RHEB: variants seen among roughly 807,000 people sequenced by gnomAD.
RHEB encodes the protein Ras homolog, mTORC1 binding, also known as GTP-binding protein Rheb.
RHEB carries 2 observed loss-of-function variants against 28.8 expected under a neutral mutation model. The ratio of observed to expected loss-of-function variants is 0.07; its 90% CI spans 0.03 to 0.22. The LOEUF is 0.22. RHEB is among the 10% of genes least tolerant of loss of function. RHEB has a pLI of 1.00. For synonymous variants in RHEB, 69 were observed against 77.3 expected (o/e 0.89, Z 0.56); for missense variants, 76 against 219.9 (o/e 0.35, Z 4.14).
chr7:151,515,476 T>C (rs1289503440), intron 1 of RHEB, among the ~76,000 whole-genome samples: 1 of 152,202 alleles, frequency 6.6e-6, no homozygotes, highest in African/African-American at 2.4e-5. Flanking sequence ...GAATTCTGAT[T>C]ATGCTCTTGT....
intron 1 of RHEB, among the ~76,000 whole-genome samples, chr7:151,499,942 G>A (rs1802743326): frequency 6.6e-6 from 1 of 152,154 alleles, no homozygotes; most frequent in Non-Finnish European, 1.5e-5. Flanking sequence ...CCAAGTAGCT[G>A]GGACTACAGG....
intron 4 of RHEB, among the ~76,000 whole-genome samples, chr7:151,473,920 G>A (rs1007425093): frequency 7.2e-5 from 11 of 152,204 alleles, no homozygotes; most frequent in African/African-American, 1.9e-4. Context: ...AAAAAGACTG[G>A]TGGGGAAAAT....
At chr7:151,507,444 C>T (rs528115113) in intron 1 of RHEB, among the ~76,000 whole-genome samples, 2 of 152,180 alleles carry the variant, frequency 1.3e-5, no homozygotes, top group Non-Finnish European at 2.9e-5. Context: ...AAGATGTTTA[C>T]GATTCTAATT....
intron 1 of RHEB, among the ~76,000 whole-genome samples, chr7:151,512,079 G>T (rs1803002011): frequency 6.6e-6 from 1 of 152,184 alleles, no homozygotes; most frequent in East Asian, 1.9e-4. Flanking sequence ...ATTTCATTTG[G>T]TACTTCAGAA....
chr7:151,476,762 A>G (rs1802279380), intron 4 of RHEB, among the ~76,000 whole-genome samples: 1 of 152,254 alleles, frequency 6.6e-6, no homozygotes, highest in African/African-American at 2.4e-5. Flanking sequence ...TGCTGTATAC[A>G]GCCAGCTGTT....
intron 1 of RHEB, among the ~76,000 whole-genome samples, chr7:151,508,293 G>T (rs1271813081): frequency 6.6e-6 from 1 of 152,168 alleles, no homozygotes; most frequent in Non-Finnish European, 1.5e-5. Context: ...AGCCTGAATG[G>T]TTAAAACCAT....
At chr7:151,482,959 C>T (rs1802403974) in intron 3 of RHEB, among the ~76,000 whole-genome samples, 1 of 152,188 alleles carries the variant, frequency 6.6e-6, no homozygotes, top group Non-Finnish European at 1.5e-5. Context: ...TAAGCCCCAA[C>T]TCCTATTCTT....
chr7:151,516,544 A>C (rs1192232508), intron 1 of RHEB, among the ~76,000 whole-genome samples: 1 of 146,504 alleles, frequency 6.8e-6, no homozygotes, highest in South Asian at 2.2e-4. Flanking sequence ...AATCGGTTGA[A>C]CCTGGGCAGC....
chr7:151,503,009 A>G (rs1802799651), intron 1 of RHEB: 1 of 782,832 alleles, frequency 1.3e-6, no homozygotes, highest in Admixed American at 1.7e-5. Flanking sequence ...TCAAGAAAAG[A>G]AATCAATAGA....
intron 1 of RHEB, among the ~76,000 whole-genome samples, chr7:151,494,311 C>G (rs1461774801): frequency 6.6e-6 from 1 of 152,214 alleles, no homozygotes; most frequent in Non-Finnish European, 1.5e-5. Flanking sequence ...CTGGCCAAGT[C>G]TCGACAACCT....
At chr7:151,503,401 G>C in intron 1 of RHEB, 1 of 1,155,664 alleles carries the variant, frequency 8.7e-7, no homozygotes, top group Admixed American at 1.7e-5. Context: ...GCAGTACCGA[G>C]TAGATTTCCA....
rs1802160160 is a variant in RHEB at position 151,471,453 on chromosome 7, A to G, written c.333-12T>C. The G allele has an allele frequency of 1.3e-6, 2 of 1,559,676 alleles. No individual in the cohort carries two copies. Among genetic ancestry groups the G allele is most frequent in the South Asian group, 2.3e-5 (2 of 87,046 alleles). ...ACATAATAGGTATTCTATTTGTAAG[A>G]AAAAAAAGACAAACCAGTAAGTGCC... On this transcript the variant is annotated splice_polypyrimidine_tract_variant and intron_variant, in intron 5 of 7. Transcript: ENST00000262187.
chr7:151,510,908 T>C (rs1802968083), intron 1 of RHEB, among the ~76,000 whole-genome samples: 1 of 151,842 alleles, frequency 6.6e-6, no homozygotes, highest in African/African-American at 2.4e-5. Context: ...TAAGACCTCA[T>C]GTCTACAAAA....
At chr7:151,511,183 T>C (rs1393440201) in intron 1 of RHEB, among the ~76,000 whole-genome samples, 1 of 152,206 alleles carries the variant, frequency 6.6e-6, no homozygotes, top group Non-Finnish European at 1.5e-5. Context: ...TAAAACTGTA[T>C]TAACTGTAAA....
chr7:151,491,149 G>C, intron 1 of RHEB, 135 bp from the exon 2 acceptor site: 1 of 613,324 alleles, frequency 1.6e-6, no homozygotes. Flanking sequence ...CATTTAATTA[G>C]CATGTGAGCA....
At chr7:151,476,624 A>C (rs1258966463) in intron 4 of RHEB, among the ~76,000 whole-genome samples, 17 of 152,246 alleles carry the variant, frequency 1.1e-4, no homozygotes, top group Non-Finnish European at 2.4e-4. Flanking sequence ...AGGCAAAGAG[A>C]GTAGCAAACT....
intron 1 of RHEB, chr7:151,503,292 C>G: frequency 1.3e-6 from 1 of 796,802 alleles, no homozygotes; most frequent in Non-Finnish European, 2.3e-6. Flanking sequence ...GGTTTGCTAA[C>G]AACTATAAAA....
chr7:151,475,225 A>G (rs1802252276), intron 4 of RHEB, among the ~76,000 whole-genome samples: 1 of 152,230 alleles, frequency 6.6e-6, no homozygotes, highest in Admixed American at 6.5e-5. Flanking sequence ...CTATGTTTTC[A>G]ACTTGATTCT....
chr7:151,491,976 C>G (rs1046499159), intron 1 of RHEB, among the ~76,000 whole-genome samples: 3 of 152,188 alleles, frequency 2.0e-5, no homozygotes, highest in Admixed American at 1.3e-4. Flanking sequence ...GACTTTAGAA[C>G]AGGGTACATG....
Sources: gnomAD v4.1 joint callset for allele counts (sites outside exome capture counted in the v4.1 genomes callset) on GRCh38, gnomAD v4.1.1 for gene constraint, MANE v1.5 for transcripts, NCBI Gene and HGNC (gene_info 2026-07-23, HGNC 2026-07-21) for gene names.